LRBA: variants seen among roughly 807,000 people sequenced by gnomAD.
LRBA encodes the protein lipopolysaccharide-responsive and beige-like anchor protein.
Under a neutral mutation model 330.0 loss-of-function variants are expected in LRBA, and 176 were observed. That is an observed-to-expected ratio of 0.53 (90% CI 0.47 to 0.60). The LOEUF (loss-of-function observed/expected upper bound fraction) is 0.60, where lower values mean the gene tolerates loss of function less well. Among genes scored for constraint, LRBA ranks in the 20% least tolerant of loss-of-function variants. The probability of loss-of-function intolerance (pLI) is 0.00; values close to 1 mark genes in which losing one functional copy is unlikely to be tolerated. For synonymous variants in LRBA, 1,230 were observed against 1,193.0 expected, an observed-to-expected ratio of 1.03 and a Z score of -0.64; for missense variants, 3,259 against 3,444.8, an observed-to-expected ratio of 0.95 and a Z score of 1.35.
At chr4:150,641,961 CTTTA>C (rs1053393715) in intron 37 of LRBA, among the ~76,000 whole-genome samples, 25 of 152,012 alleles carry the variant, frequency 1.6e-4, no homozygotes, top group Non-Finnish European at 2.8e-4. Context: ...GCTATCTAAA[CTTTA>C]TTTATTAAAA....
chr4:150,452,822 A>T (rs1002115623), intron 44 of LRBA, among the ~76,000 whole-genome samples: 1 of 152,154 alleles, frequency 6.6e-6, no homozygotes, highest in Admixed American at 6.5e-5. Context: ...AAGTCCCAAA[A>T]AGTCTACAAA....
At chr4:150,931,488 T>A (rs1354733993) in intron 2 of LRBA, among the ~76,000 whole-genome samples, 3 of 151,452 alleles carry the variant, frequency 2.0e-5, no homozygotes, top group Non-Finnish European at 4.4e-5. Context: ...TGGCTGGGCA[T>A]GGTGGTTCAC....
At chr4:150,807,954 T>C (rs1171317935) in intron 32 of LRBA, among the ~76,000 whole-genome samples, 1 of 152,140 alleles carries the variant, frequency 6.6e-6, no homozygotes, top group East Asian at 1.9e-4. Flanking sequence ...CTGGCCTATA[T>C]CAGTATTTTA....
chr4:150,389,903 G>A lies in LRBA; in HGVS notation c.7194+25535C>T, dbSNP rs933494421. ...TACAGAGATCTGGACTTCCATTTTT[G>A]TCTGGGTATTTTTTTTTTTTTTTTT... On this transcript the variant is annotated intron_variant, in intron 47 of 56. Coordinates refer to ENST00000651943, the MANE Select transcript of LRBA (RefSeq NM_001364905.1). 3.0e-4 allele frequency among the ~76,000 whole-genome samples: 38 copies of A among 127,586 alleles called. No individual in the cohort carries two copies. In the East Asian group the frequency reaches 9.0e-3, roughly 30 times the overall value. The allele number at this position is 127,586 out of a possible 152,430, so 83.7% of individuals were successfully genotyped here. A position where few individuals can be genotyped will look rare whatever the true frequency, so the allele number is the denominator to read the frequency against.
chr4:150,413,225 G>A (rs1432194757), intron 47 of LRBA, among the ~76,000 whole-genome samples: 1 of 151,770 alleles, frequency 6.6e-6, no homozygotes, highest in African/African-American at 2.4e-5. Context: ...TTAAGGATAG[G>A]GAAAAACTGA....
At chr4:150,650,298 G>A (rs72959824) in intron 37 of LRBA, among the ~76,000 whole-genome samples, 5,074 of 152,094 alleles carry the variant, frequency 0.033, 237 homozygotes, top group African/African-American at 0.11. Context: ...TCTACAAAAC[G>A]TAATAAGGCA....
chr4:150,461,456 T>G (rs994436737), intron 44 of LRBA, among the ~76,000 whole-genome samples: 2 of 151,778 alleles, frequency 1.3e-5, no homozygotes, highest in African/African-American at 4.8e-5. Context: ...AAAACGCAAT[T>G]GTGAGCTACA....
intron 2 of LRBA, among the ~76,000 whole-genome samples, chr4:150,932,803 C>T (rs567361589): frequency 6.6e-6 from 1 of 152,102 alleles, no homozygotes; most frequent in South Asian, 2.1e-4. Flanking sequence ...TTAGCCCCAT[C>T]TACTTGGGAG....
In LRBA at chr4:150,489,590, T is replaced by TATATAATATATAATATATAAG. The variant is rs1758602088; in HGVS notation, c.6448+1327_6448+1328insCTTATATATTATATATTATAT. On this transcript the variant is annotated intron_variant, in intron 41 of 56. Coordinates refer to ENST00000651943, the MANE Select transcript of LRBA (RefSeq NM_001364905.1). ...TTATATATAAGAATATATAATATAT[T>TATATAATATATAATATATAAG]ATATAAGAATATATAATATATAATA... is the stretch of plus-strand genomic sequence containing the variant. Among the ~76,000 whole-genome samples, 7 of 12,598 alleles carry TATATAATATATAATATATAAG rather than the reference T, an allele frequency of 5.6e-4. No individual in the cohort carries two copies. In the Non-Finnish European group the frequency reaches 5.8e-3, roughly 10 times the overall value. 8.3% of individuals were successfully genotyped at this position (12,598 alleles called of 152,430 possible).
chr4:150,490,576 C>T (rs1217777280), intron 41 of LRBA, among the ~76,000 whole-genome samples: 1 of 151,788 alleles, frequency 6.6e-6, no homozygotes, highest in African/African-American at 2.4e-5. Context: ...TCTCCTCTCC[C>T]CAAATGCAGC....
intron 28 of LRBA, among the ~76,000 whole-genome samples, chr4:150,833,141 G>A (rs1200866639): frequency 6.6e-6 from 1 of 151,624 alleles, no homozygotes; most frequent in African/African-American, 2.4e-5. Flanking sequence ...TAAAAAAAAA[G>A]GATCTATGAG....
At chr4:151,011,669 G>A (rs1744861937) in intron 2 of LRBA, among the ~76,000 whole-genome samples, 1 of 150,130 alleles carries the variant, frequency 6.7e-6, no homozygotes, top group Admixed American at 6.6e-5. Flanking sequence ...TAACAACATT[G>A]AGATGGACTA....
In LRBA at chr4:150,639,787, GTGTGTATATA is replaced by G. The variant is rs1561457490; in HGVS notation, c.5922-40666_5922-40657del. 1.8e-4 allele frequency among the ~76,000 whole-genome samples: 3 copies of G among 16,220 alleles called. 1 individual carries two copies. The highest frequency in any genetic ancestry group is 3.2e-4 in the Non-Finnish European group (3 of 9,334). 10.6% of individuals were successfully genotyped at this position (16,220 alleles called of 152,430 possible). A position where few individuals can be genotyped will look rare whatever the true frequency, so the allele number is the denominator to read the frequency against. On this transcript the variant is annotated intron_variant, in intron 37 of 56. Coordinates refer to ENST00000651943, the MANE Select transcript of LRBA (RefSeq NM_001364905.1). ...TATATATATATATATATATATGTGT[GTGTGTATATA>G]TATATATATGTGTGTGTGTGTGTAT...
intron 2 of LRBA, among the ~76,000 whole-genome samples, chr4:150,943,124 T>G (rs566049380): frequency 1.3e-5 from 2 of 152,272 alleles, no homozygotes; most frequent in African/African-American, 4.8e-5. Context: ...GGTTCCATGA[T>G]CAAATAAGTC....
chr4:150,363,599 A>G (rs1266949289), intron 47 of LRBA, among the ~76,000 whole-genome samples: 3 of 152,242 alleles, frequency 2.0e-5, no homozygotes, highest in African/African-American at 7.2e-5. Flanking sequence ...CTGCTGTATA[A>G]CCAGTATGTA....
intron 40 of LRBA, among the ~76,000 whole-genome samples, chr4:150,502,381 C>T (rs1235747087): frequency 6.6e-6 from 1 of 152,126 alleles, no homozygotes; most frequent in Non-Finnish European, 1.5e-5. Context: ...TATCCCAGAA[C>T]AATGTATTAT....
intron 40 of LRBA, among the ~76,000 whole-genome samples, chr4:150,556,120 C>A (rs1431588091): frequency 1.3e-5 from 2 of 151,872 alleles, no homozygotes; most frequent in Non-Finnish European, 2.9e-5. Context: ...TAAAAATATT[C>A]TAGCAAAATA....
intron 2 of LRBA, among the ~76,000 whole-genome samples, chr4:150,931,882 A>G (rs1208579211): frequency 6.6e-6 from 1 of 152,176 alleles, no homozygotes; most frequent in Non-Finnish European, 1.5e-5. Flanking sequence ...GTAAAACTGA[A>G]GTCATAAAAT....
intron 37 of LRBA, among the ~76,000 whole-genome samples, chr4:150,639,135 T>C (rs1778230150): frequency 6.9e-6 from 1 of 145,188 alleles, no homozygotes; most frequent in African/African-American, 2.6e-5. Flanking sequence ...TTCTCACTCA[T>C]AGGTGGGAAT....
Sources: allele counts gnomAD v4.1 joint callset (sites outside exome capture counted in the v4.1 genomes callset), GRCh38; gene constraint gnomAD v4.1.1; transcripts MANE v1.5; gene names NCBI Gene and HGNC (gene_info 2026-07-23, HGNC 2026-07-21).